Variants in LMO7 observed in about 807,000 individuals in gnomAD.
LMO7 encodes the protein LIM domain 7.
A neutral mutation model predicts 206.5 loss-of-function variants in LMO7; 120 were observed. The ratio of observed to expected loss-of-function variants is 0.58; its 90% CI spans 0.50 to 0.68. LMO7 has a LOEUF of 0.68. Ranked by LOEUF, LMO7 falls within the 30% of genes least tolerant of loss-of-function variation. LMO7 has a pLI of 0.00. For missense variants in LMO7, 1,959 were observed against 1,957.9 expected (o/e 1.00, Z -0.01); for synonymous variants, 706 against 681.5 (o/e 1.04, Z -0.56).
chr13:75,716,562 CT>C (rs1410223767), intron 2 of LMO7, among the ~76,000 whole-genome samples: 1 of 152,024 alleles, frequency 6.6e-6, no homozygotes, highest in African/African-American at 2.4e-5. Flanking sequence ...TTTTGCTTTT[CT>C]AATTAATAAA....
In LMO7 at chr13:75,833,065, T is replaced by C; in HGVS notation, c.2964T>C (p.Asp988=). The change falls in exon 16 of 31, where the codon GAT becomes GAC. Residue 988 remains aspartate (D), a synonymous_variant. Coordinates refer to ENST00000377534, the MANE Select transcript of LMO7 (RefSeq NM_001306080.2). The part of the protein sequence containing the change: ...EVSRSQDQFS[D]MRISINQTPG... ...TTTGTTTTCAGGATCAGTTCAGTGA[T>C]ATGAGAATCAGCATAAACCAGACGC... 1 of 1,602,240 alleles carries C rather than the reference T, an allele frequency of 6.2e-7. No individual in the cohort carries two copies. The highest frequency in any genetic ancestry group is 8.6e-7 in the Non-Finnish European group (1 of 1,169,428).
At chr13:75,810,311 A>G (rs1410655956) in intron 11 of LMO7, among the ~76,000 whole-genome samples, 1 of 152,186 alleles carries the variant, frequency 6.6e-6, no homozygotes, top group Non-Finnish European at 1.5e-5. Context: ...TTCCCTTATG[A>G]GGATTTACTT....
chr13:75,669,163 G>A (rs1445399682), intron 1 of LMO7, among the ~76,000 whole-genome samples: 1 of 152,130 alleles, frequency 6.6e-6, no homozygotes, highest in Non-Finnish European at 1.5e-5. Context: ...AAAGTAAGTG[G>A]TCAGTGGTTC....
At chr13:75,670,013 A>G (rs1440550441) in intron 1 of LMO7, among the ~76,000 whole-genome samples, 1 of 152,208 alleles carries the variant, frequency 6.6e-6, no homozygotes, top group Non-Finnish European at 1.5e-5. Context: ...GCAAGTTGCT[A>G]TAACCTTCCC....
chr13:75,836,030 A>G (rs904980435), intron 18 of LMO7, among the ~76,000 whole-genome samples: 1 of 152,184 alleles, frequency 6.6e-6, no homozygotes, highest in African/African-American at 2.4e-5. Flanking sequence ...TTTATTTAAT[A>G]AGGAGCTCTT....
upstream of LMO7, among the ~76,000 whole-genome samples, chr13:75,635,626 A>G (rs2035689578): frequency 6.6e-6 from 1 of 152,178 alleles, no homozygotes; most frequent in Non-Finnish European, 1.5e-5. Flanking sequence ...GGAACCCTCC[A>G]GCTTGCTCGA....
intron 23 of LMO7, 42 bp downstream of exon 23, chr13:75,841,243 C>G (rs3736858): frequency 0.15 from 196,988 of 1,301,510 alleles, 16,788 homozygotes; most frequent in Admixed American, 0.27. Context: ...TTCTCTTTAC[C>G]TTGTTGGTGA....
chr13:75,818,469 T>C (rs574539055), intron 12 of LMO7, among the ~76,000 whole-genome samples: 53 of 152,266 alleles, frequency 3.5e-4, no homozygotes, highest in African/African-American at 1.2e-3. Flanking sequence ...CAGTTCTCTA[T>C]TTTGGAGACA....
chr13:75,624,427 G>A (rs2033755415), intron 2 of LMO7, among the ~76,000 whole-genome samples: 1 of 152,034 alleles, frequency 6.6e-6, no homozygotes, highest in Non-Finnish European at 1.5e-5. Context: ...AAGTTTCATA[G>A]GGCCAATTTC....
intron 1 of LMO7, among the ~76,000 whole-genome samples, chr13:75,703,774 A>G (rs1027192967): frequency 2.0e-5 from 3 of 151,920 alleles, no homozygotes; most frequent in Non-Finnish European, 4.4e-5. Flanking sequence ...TGCAAAACCC[A>G]TCCTTTTGTG....
At chr13:75,651,737 A>C (rs1419310128) in intron 1 of LMO7, among the ~76,000 whole-genome samples, 1 of 152,210 alleles carries the variant, frequency 6.6e-6, no homozygotes, top group African/African-American at 2.4e-5. Flanking sequence ...GTACAAGCTT[A>C]TGATGTGGCC....
chr13:75,711,757 C>G (rs1006169891), intron 1 of LMO7, among the ~76,000 whole-genome samples: 18 of 152,232 alleles, frequency 1.2e-4, no homozygotes, highest in African/African-American at 4.3e-4. Flanking sequence ...GGCTCCACCC[C>G]CTACATTTTT....
At chr13:75,675,781 T>C (rs1239398153) in intron 1 of LMO7, among the ~76,000 whole-genome samples, 2 of 152,124 alleles carry the variant, frequency 1.3e-5, no homozygotes, top group South Asian at 4.1e-4. Flanking sequence ...GTTGAAGGAG[T>C]TGGCCAGTGA....
At chr13:75,688,533 TGAA>T (rs910859399) in intron 1 of LMO7, 2 of 152,374 alleles carry the variant, frequency 1.3e-5, no homozygotes, top group African/African-American at 4.8e-5. Flanking sequence ...ATCAATGTAT[TGAA>T]GAAGGCTGGC....
intron 26 of LMO7, 197 bp from the exon 27 acceptor site, chr13:75,848,882 A>G (rs2060238866): frequency 7.4e-6 from 4 of 543,216 alleles, no homozygotes; most frequent in Non-Finnish European, 1.3e-5. Context: ...CCAGCAGCGT[A>G]GGAGTGCTCC....
intron 1 of LMO7, among the ~76,000 whole-genome samples, chr13:75,654,718 A>G (rs2037882482): frequency 6.6e-6 from 1 of 152,180 alleles, no homozygotes; most frequent in Non-Finnish European, 1.5e-5. Flanking sequence ...ATTATTACAT[A>G]TTCAAGTCTC....
At chr13:75,674,838 A>G in intron 1 of LMO7, among the ~76,000 whole-genome samples, 1 of 152,230 alleles carries the variant, frequency 6.6e-6, no homozygotes, top group Non-Finnish European at 1.5e-5. Flanking sequence ...TTATTTGAAC[A>G]ATATTCTGGT....
chr13:75,842,165 C>G (rs1184711082), intron 24 of LMO7, among the ~76,000 whole-genome samples, 182 bp downstream of exon 24: 1 of 152,184 alleles, frequency 6.6e-6, no homozygotes, highest in African/African-American at 2.4e-5. Context: ...CCATAACACT[C>G]CAAGTCACTT....
At chr13:75,798,352 AAAAC>A (rs574545172) in intron 6 of LMO7, among the ~76,000 whole-genome samples, 3 of 152,224 alleles carry the variant, frequency 2.0e-5, no homozygotes, top group Non-Finnish European at 2.9e-5. Flanking sequence ...CTCCGTCTCA[AAAAC>A]AAACAAACAA....
Sources: allele counts gnomAD v4.1 joint callset (sites outside exome capture counted in the v4.1 genomes callset), GRCh38; gene constraint gnomAD v4.1.1; transcripts MANE v1.5; gene names NCBI Gene and HGNC (gene_info 2026-07-23, HGNC 2026-07-21).